RAP1GDS1: variants seen among roughly 807,000 people sequenced by gnomAD.
The protein encoded by RAP1GDS1 is RAP1, GTP-GDP dissociation stimulator 1.
Under a neutral mutation model 71.1 loss-of-function variants are expected in RAP1GDS1, and 35 were observed. That is an observed-to-expected ratio of 0.49 (90% confidence interval 0.38 to 0.65). The LOEUF is 0.65. RAP1GDS1 is among the 30% of genes least tolerant of loss of function. RAP1GDS1 has a pLI of 0.00. For missense variants in RAP1GDS1, 663 were observed against 706.1 expected (o/e 0.94, Z 0.69); for synonymous variants, 229 against 243.1 (o/e 0.94, Z 0.54).
chr4:98,350,840 A>G (rs1737076898), intron 3 of RAP1GDS1, among the ~76,000 whole-genome samples: 1 of 151,978 alleles, frequency 6.6e-6, no homozygotes, highest in African/African-American at 2.4e-5. Context: ...TCCGTCTCAA[A>G]AATAAATACA....
intron 2 of RAP1GDS1, among the ~76,000 whole-genome samples, chr4:98,328,203 T>G (rs1733425248): frequency 6.6e-6 from 1 of 152,202 alleles, no homozygotes; most frequent in Non-Finnish European, 1.5e-5. Context: ...AGCACAGGCA[T>G]TTTCTTATTT....
intron 2 of RAP1GDS1, among the ~76,000 whole-genome samples, chr4:98,330,858 C>T (rs578134576): frequency 3.9e-5 from 6 of 152,220 alleles, no homozygotes; most frequent in Admixed American, 2.6e-4. Flanking sequence ...AGACGATGGG[C>T]GGCCAGGCAG....
At chr4:98,428,833 C>A (rs1237078956) in intron 12 of RAP1GDS1, among the ~76,000 whole-genome samples, 1 of 152,194 alleles carries the variant, frequency 6.6e-6, no homozygotes, top group Non-Finnish European at 1.5e-5. Context: ...AGCAATCCCA[C>A]TACTGGGTAT....
intron 4 of RAP1GDS1, among the ~76,000 whole-genome samples, chr4:98,355,451 CT>C (rs1199162517): frequency 1.3e-5 from 2 of 152,058 alleles, no homozygotes; most frequent in Non-Finnish European, 2.9e-5. Context: ...TGATAGTAGG[CT>C]TACAGTAGAT....
chr4:98,375,458 A>C (rs1741033620), intron 4 of RAP1GDS1, among the ~76,000 whole-genome samples: 1 of 152,188 alleles, frequency 6.6e-6, no homozygotes, highest in Admixed American at 6.5e-5. Context: ...ACCCATGATA[A>C]GTAGAAATGA....
intron 6 of RAP1GDS1, among the ~76,000 whole-genome samples, chr4:98,398,523 T>C (rs190977451): frequency 3.3e-5 from 5 of 152,254 alleles, no homozygotes; most frequent in Admixed American, 6.5e-5. Flanking sequence ...CGTGGACATA[T>C]GTCTCAAAAC....
At chr4:98,348,454 T>G (rs1036657713) in intron 3 of RAP1GDS1, among the ~76,000 whole-genome samples, 2 of 152,248 alleles carry the variant, frequency 1.3e-5, no homozygotes, top group African/African-American at 2.4e-5. Flanking sequence ...TATAGCAGCA[T>G]GATTTATAAT....
At chr4:98,429,086 G>A (rs1254433083) in intron 12 of RAP1GDS1, among the ~76,000 whole-genome samples, 3 of 151,742 alleles carry the variant, frequency 2.0e-5, no homozygotes, top group African/African-American at 4.8e-5. Flanking sequence ...GTGAAACCTC[G>A]TCTCTACTAA....
intron 8 of RAP1GDS1, among the ~76,000 whole-genome samples, 161 bp from the exon 9 acceptor site, chr4:98,417,206 A>G (rs1748161981): frequency 6.6e-6 from 1 of 152,362 alleles, no homozygotes; most frequent in East Asian, 1.9e-4. Flanking sequence ...ATTGTCTAGT[A>G]TCTATTAAAT....
chr4:98,440,005 C>G (rs1751678383), intron 14 of RAP1GDS1, among the ~76,000 whole-genome samples: 1 of 152,180 alleles, frequency 6.6e-6, no homozygotes, highest in Non-Finnish European at 1.5e-5. Flanking sequence ...TTTACCCCTC[C>G]CCACAGCCTC....
intron 2 of RAP1GDS1, among the ~76,000 whole-genome samples, chr4:98,309,955 A>G (rs1386281444): frequency 1.3e-5 from 2 of 152,006 alleles, no homozygotes; most frequent in Non-Finnish European, 2.9e-5. Flanking sequence ...AAAGAAGTTC[A>G]CTTACTAAAT....
intron 2 of RAP1GDS1, among the ~76,000 whole-genome samples, chr4:98,319,521 C>G (rs942692459): frequency 6.6e-6 from 1 of 151,998 alleles, no homozygotes; most frequent in Non-Finnish European, 1.5e-5. Context: ...TGGCTCACAC[C>G]TGTAATCCCA....
rs898031545 is a variant in RAP1GDS1, at chr4:98,294,818, AT to A, written c.112+1312del. ...CTAGGAAGAACCACACGATGACCTG[AT>A]TTTTTTTTACATGTGCCTGTATAGG... On this transcript the variant is annotated intron_variant, in intron 2 of 14. Transcript: ENST00000408927. 1.8e-4 allele frequency among the ~76,000 whole-genome samples: 28 copies of A among 151,714 alleles called. No homozygotes were observed. In the South Asian group the frequency reaches 4.4e-3, roughly 24 times the overall value.
intron 6 of RAP1GDS1, among the ~76,000 whole-genome samples, chr4:98,402,073 TTTA>T (rs985522931): frequency 1.3e-5 from 2 of 150,528 alleles, no homozygotes; most frequent in African/African-American, 4.9e-5. Flanking sequence ...TTACTTTTTA[TTTA>T]TTTTTTTTCT....
intron 2 of RAP1GDS1, among the ~76,000 whole-genome samples, chr4:98,311,390 A>G (rs1412252880): frequency 6.6e-6 from 1 of 152,176 alleles, no homozygotes; most frequent in Non-Finnish European, 1.5e-5. Context: ...TTGTAAAGAG[A>G]AAAGAAAATA....
intron 2 of RAP1GDS1, among the ~76,000 whole-genome samples, chr4:98,324,896 G>A (rs1162594762): frequency 6.6e-6 from 1 of 152,080 alleles, no homozygotes; most frequent in African/African-American, 2.4e-5. Context: ...AAAAGCAATG[G>A]CAACAAAAGC....
At chr4:98,288,915 T>C (rs552756394) in intron 1 of RAP1GDS1, among the ~76,000 whole-genome samples, 164 of 152,248 alleles carry the variant, frequency 1.1e-3, no homozygotes, top group Middle Eastern at 3.4e-3. Context: ...TTTTTTCATA[T>C]CATTAGAAGT....
chr4:98,402,987 ATTAAT>A (rs1413466333), intron 6 of RAP1GDS1, among the ~76,000 whole-genome samples: 2 of 152,336 alleles, frequency 1.3e-5, no homozygotes, highest in South Asian at 2.1e-4. Context: ...AAGGTAAGGG[ATTAAT>A]TTAAATTAGA....
At chr4:98,275,105 C>T (rs2110238753) in intron 1 of RAP1GDS1, among the ~76,000 whole-genome samples, 1 of 151,724 alleles carries the variant, frequency 6.6e-6, no homozygotes, top group East Asian at 1.9e-4. Flanking sequence ...TTCCTGATTT[C>T]TCTGATGATA....
Sources: allele counts gnomAD v4.1 joint callset (sites outside exome capture counted in the v4.1 genomes callset), GRCh38; gene constraint gnomAD v4.1.1; transcripts MANE v1.5; gene names NCBI Gene and HGNC (gene_info 2026-07-23, HGNC 2026-07-21).